PTPRD: variants seen among roughly 807,000 people sequenced by gnomAD.
PTPRD encodes receptor-type tyrosine-protein phosphatase delta.
In PTPRD, 34 loss-of-function variants were observed where a neutral mutation model predicts 214.5. The observed-to-expected ratio is 0.16, with a 90% CI of 0.12 to 0.21. The LOEUF is 0.21. PTPRD is among the 10% of genes least tolerant of loss of function. The probability of loss-of-function intolerance (pLI) is 1.00; values close to 1 mark genes in which losing one functional copy is unlikely to be tolerated. For synonymous variants in PTPRD, 1,128 were observed against 845.7 expected (o/e 1.33, Z -5.79); for missense variants, 2,545 against 2,398.7 (o/e 1.06, Z -1.27).
At chr9:8,346,422 T>C (rs1044581383) in intron 39 of PTPRD, among the ~76,000 whole-genome samples, 4 of 152,198 alleles carry the variant, frequency 2.6e-5, no homozygotes, top group African/African-American at 9.6e-5. Flanking sequence ...TTTGACTTTC[T>C]GCAATCTCAG....
rs781599124 is a variant in PTPRD, at chr9:8,507,355, T to G, written c.1623A>C (p.Ser541=). The change falls in exon 22 of 46, where the codon TCA becomes TCC. Residue 541 remains serine (S), a synonymous_variant. Coordinates refer to ENST00000381196, the MANE Select transcript of PTPRD (RefSeq NM_002839.4). ...SILLSWTPPR[S]DTIANYELVY... ...CCAGTTCATAGTTGGCAATGGTATC[T>G]GAACGTGGAGGTGTCCAAGAGAGCA... 21 of 1,614,054 alleles carry G rather than the reference T, an allele frequency of 1.3e-5. No individual in the cohort carries two copies. Among genetic ancestry groups the G allele is most frequent in the Non-Finnish European group, 8.5e-7 (1 of 1,179,892 alleles).
chr9:10,301,581 T>C (rs984378903), intron 3 of PTPRD, among the ~76,000 whole-genome samples: 22 of 152,078 alleles, frequency 1.4e-4, no homozygotes, highest in Admixed American at 1.2e-3. Context: ...ATAAATAAAC[T>C]GATAGAGCTG....
At chr9:10,301,080 A>G (rs1156968257) in intron 3 of PTPRD, among the ~76,000 whole-genome samples, 2 of 152,070 alleles carry the variant, frequency 1.3e-5, no homozygotes, top group East Asian at 1.9e-4. Context: ...ACAGGAAGCA[A>G]TCTTTGCTGT....
At chr9:8,743,031 G>A (rs948979276) in intron 11 of PTPRD, among the ~76,000 whole-genome samples, 1 of 144,154 alleles carries the variant, frequency 6.9e-6, no homozygotes, top group Non-Finnish European at 1.5e-5. Flanking sequence ...ATCCCATTCA[G>A]AATGTCAGCA....
At chr9:9,020,587 T>C (rs1329442949) in intron 10 of PTPRD, among the ~76,000 whole-genome samples, 2 of 152,150 alleles carry the variant, frequency 1.3e-5, no homozygotes, top group Admixed American at 6.6e-5. Context: ...GCTGCCATTT[T>C]CTGAGGTGGT....
chr9:8,317,925 G>T lies in PTPRD; in HGVS notation c.5688C>A (p.Ser1896=). ...CCAGGTACTCTAGTGCGGCACGATA[G>T]GAAAACTGATATTGATCCTGCAGGA... The part of the protein sequence containing the change: ...MVQTEDQYQF[S]YRAALEYLGS... Residue 1896 remains serine (S), a synonymous_variant, in exon 46 of 46, where the codon TCC becomes TCA. Coordinates refer to ENST00000381196, the MANE Select transcript of PTPRD (RefSeq NM_002839.4). The T allele has an allele frequency of 6.2e-7, 1 of 1,611,950 alleles. No individual in the cohort carries two copies. The highest frequency in any genetic ancestry group is 1.1e-5 in the South Asian group (1 of 91,034).
chr9:9,455,055 G>A (rs2145528353), intron 8 of PTPRD, among the ~76,000 whole-genome samples: 1 of 151,610 alleles, frequency 6.6e-6, no homozygotes, highest in South Asian at 2.1e-4. Context: ...TTCCTGATAA[G>A]AATTTTAATG....
At chr9:10,069,021 G>C (rs2154177470) in intron 3 of PTPRD, among the ~76,000 whole-genome samples, 1 of 152,050 alleles carries the variant, frequency 6.6e-6, no homozygotes, top group African/African-American at 2.4e-5. Context: ...AGCAAAATTA[G>C]TTCTTTGTCC....
At chr9:9,253,501 T>C (rs1231550534) in intron 9 of PTPRD, among the ~76,000 whole-genome samples, 1 of 116,398 alleles carries the variant, frequency 8.6e-6, no homozygotes, top group African/African-American at 2.6e-5. Context: ...GCACTTGTTT[T>C]TGAAAAAAAA....
rs544581126 is a variant in PTPRD at position 9,058,670 on chromosome 9, C to T, written c.-142-39935G>A. Among the ~76,000 whole-genome samples the T allele has an allele frequency of 6.1e-4, 92 of 150,934 alleles. No individual in the cohort carries two copies. In the East Asian group the frequency reaches 0.013, roughly 21 times the overall value. On this transcript the variant is annotated intron_variant, in intron 10 of 45. Coordinates refer to ENST00000381196, the MANE Select transcript of PTPRD (RefSeq NM_002839.4). ...TTCACCGTGTTAGCCAGGATGGTCT[C>T]GATCTCCTGACCTCGTGATCCGCCC...
At chr9:8,920,948 G>A (rs755753271) in intron 11 of PTPRD, among the ~76,000 whole-genome samples, 3 of 152,138 alleles carry the variant, frequency 2.0e-5, no homozygotes, top group Non-Finnish European at 4.4e-5. Flanking sequence ...TGCGTAGCTG[G>A]GATTACAGAC....
chr9:10,108,753 A>G (rs758090869), intron 3 of PTPRD, among the ~76,000 whole-genome samples: 10 of 152,190 alleles, frequency 6.6e-5, no homozygotes, highest in East Asian at 1.9e-4. Context: ...AAAATGTGGT[A>G]TTTGCACACA....
At chr9:10,192,448 A>T (rs941780479) in intron 3 of PTPRD, among the ~76,000 whole-genome samples, 18 of 43,032 alleles carry the variant, frequency 4.2e-4, no homozygotes, top group Non-Finnish European at 6.8e-4. Flanking sequence ...GATCCAGGAA[A>T]AAAAAAAAAA....
chr9:8,784,854 A>G (rs1281906098), intron 11 of PTPRD, among the ~76,000 whole-genome samples: 1 of 152,202 alleles, frequency 6.6e-6, no homozygotes, highest in South Asian at 2.1e-4. Flanking sequence ...TCTTACAGTT[A>G]TCATTTACAT....
chr9:9,412,934 G>C (rs1053851347), intron 8 of PTPRD, among the ~76,000 whole-genome samples: 2 of 152,058 alleles, frequency 1.3e-5, no homozygotes, highest in Admixed American at 6.6e-5. Flanking sequence ...TCAGAGGAAA[G>C]ATCAATGGAG....
At chr9:9,743,950 C>A (rs753591184) in intron 6 of PTPRD, among the ~76,000 whole-genome samples, 4 of 152,080 alleles carry the variant, frequency 2.6e-5, no homozygotes, top group African/African-American at 9.7e-5. Context: ...CATTAAATAA[C>A]CTACACCTCC....
At chr9:9,853,479 C>T (rs1044689755) in intron 5 of PTPRD, among the ~76,000 whole-genome samples, 1 of 152,024 alleles carries the variant, frequency 6.6e-6, no homozygotes, top group Admixed American at 6.6e-5. Context: ...TACAGTGATT[C>T]GGTTCTTAGT....
At chr9:9,804,215 G>T (rs1463142796) in intron 5 of PTPRD, among the ~76,000 whole-genome samples, 1 of 151,972 alleles carries the variant, frequency 6.6e-6, no homozygotes, top group Non-Finnish European at 1.5e-5. Context: ...TCTTTTAGCT[G>T]AAAGAAGCTT....
At chr9:10,051,540 G>T (rs1245271497) in intron 3 of PTPRD, among the ~76,000 whole-genome samples, 2 of 151,758 alleles carry the variant, frequency 1.3e-5, no homozygotes, top group African/African-American at 2.4e-5. Flanking sequence ...ATGTTGGTGT[G>T]CTGCACCCAT....
Sources: gnomAD v4.1 joint callset for allele counts (sites outside exome capture counted in the v4.1 genomes callset) on GRCh38, gnomAD v4.1.1 for gene constraint, MANE v1.5 for transcripts, NCBI Gene and HGNC (gene_info 2026-07-23, HGNC 2026-07-21) for gene names.